The following STS variants were observed in gnomAD, a reference collection of about 807,000 sequenced individuals.
The protein encoded by STS is steryl-sulfatase.
A neutral mutation model predicts 26.8 loss-of-function variants in STS; 7 were observed. The observed-to-expected ratio is 0.26, with a 90% CI of 0.15 to 0.49. STS has a LOEUF of 0.49. Ranked by LOEUF, STS falls within the 20% of genes least tolerant of loss-of-function variation. STS has a pLI of 0.98. For missense variants in STS, 434 were observed against 465.6 expected, an observed-to-expected ratio of 0.93 and a Z score of 0.63; for synonymous variants, 199 against 189.4, an observed-to-expected ratio of 1.05 and a Z score of -0.42.
intron 2 of STS, among the ~76,000 whole-genome samples, chrX:7,252,642 CAT>C (rs754894571): frequency 5.4e-5 from 6 of 111,768 alleles, no homozygotes; most frequent in Non-Finnish European, 1.1e-4. Flanking sequence ...AGAAAGACAT[CAT>C]GTGTGTGTTC....
At chrX:7,152,141 A>G (rs1460956394) in intron 1 of STS, among the ~76,000 whole-genome samples, 3 of 108,287 alleles carry the variant, frequency 2.8e-5, no homozygotes, top group East Asian at 5.8e-4. Flanking sequence ...TTTAGTAGAG[A>G]CGGGGTTTCA....
intron 10 of STS, 86 bp downstream of exon 10, chrX:7,334,193 C>T (rs1014164110): frequency 1.7e-6 from 2 of 1,178,687 alleles, no homozygotes; most frequent in Non-Finnish European, 2.3e-6. Context: ...AAAAAGGTGG[C>T]TCTGCTCAAT....
At chrX:7,325,598 G>A (rs1444837662) in intron 9 of STS, 100 bp downstream of exon 9, 13 of 996,005 alleles carry the variant, frequency 1.3e-5, no homozygotes, top group Non-Finnish European at 8.5e-6. Flanking sequence ...AAGGCCTTTG[G>A]CCCCCTGGAG....
intron 7 of STS, among the ~76,000 whole-genome samples, chrX:7,278,721 C>G (rs1486042028): frequency 3.6e-5 from 4 of 111,268 alleles, no homozygotes; most frequent in African/African-American, 1.3e-4. Context: ...CCAGGAGATA[C>G]AATTCTGCTC....
In STS at chrX:7,305,086, T is replaced by G. The variant is rs1926148700; in HGVS notation, c.984T>G (p.Asn328Lys). ...TTCTGGATGAGCTGAGATTGGCTAA[T>G]GATACCCTCATCTACTTCACATCGG... The part of the protein sequence containing the change: ...LNLLDELRLA[N>K]DTLIYFTSDQ... The change falls in exon 8 of 11, where the codon AAT becomes AAG. Residue 328 changes from asparagine (N) to lysine (K), a missense_variant. By Grantham distance (94) the Asn-to-Lys change is moderately conservative. Transcript: ENST00000674429. The G allele has an allele frequency of 2.5e-6, 3 of 1,211,243 alleles. No individual in the cohort carries two copies. In the Admixed American group the frequency reaches 6.5e-5, roughly 26 times the overall value.
At chrX:7,260,041 A>G (rs1314642854) in intron 6 of STS, among the ~76,000 whole-genome samples, 1 of 111,214 alleles carries the variant, frequency 9.0e-6, no homozygotes, top group Non-Finnish European at 1.9e-5. Flanking sequence ...ACACCTGGCT[A>G]ATTTTTTGTA....
At chrX:7,331,126 C>T (rs539781248) in intron 9 of STS, among the ~76,000 whole-genome samples, 15 of 111,304 alleles carry the variant, frequency 1.3e-4, no homozygotes, top group Non-Finnish European at 2.8e-4. Context: ...GTGGGAAGGA[C>T]ATCCCACGTG....
At chrX:7,294,600 C>A (rs939086455) in intron 7 of STS, among the ~76,000 whole-genome samples, 4 of 111,796 alleles carry the variant, frequency 3.6e-5, no homozygotes, top group Non-Finnish European at 7.5e-5. Flanking sequence ...CTTAGTCATG[C>A]GTCTAAACAT....
At chrX:7,299,135 TATA>T (rs1201737150) in intron 7 of STS, among the ~76,000 whole-genome samples, 1 of 95,266 alleles carries the variant, frequency 1.0e-5, no homozygotes, top group Non-Finnish European at 2.0e-5. Flanking sequence ...TTTATATAAT[TATA>T]ATTTCTATAT....
intron 2 of STS, among the ~76,000 whole-genome samples, chrX:7,215,138 C>CACATAT (rs1356263612): frequency 1.7e-4 from 15 of 90,308 alleles, no homozygotes; most frequent in African/African-American, 6.4e-4. Flanking sequence ...CACACACACA[C>CACATAT]ATATATATAT....
chrX:7,284,588 G>T (rs1005211084), intron 7 of STS, among the ~76,000 whole-genome samples: 3 of 112,449 alleles, frequency 2.7e-5, no homozygotes, highest in Non-Finnish European at 5.6e-5. Flanking sequence ...GTTGGATGTG[G>T]TATGAATTCT....
In STS at chrX:7,353,507, T is replaced by C. The variant is rs1928886165; in HGVS notation, c.*3246T>C. 9.0e-6 allele frequency: 1 copy of C among 110,828 alleles called. No homozygotes were observed. The highest frequency in any genetic ancestry group is 1.9e-5 in the Non-Finnish European group (1 of 52,958). 9.1% of individuals were successfully genotyped at this position (110,828 alleles called of 1,213,427 possible). A position where few individuals can be genotyped will look rare whatever the true frequency, so the allele number is the denominator to read the frequency against. The stretch of plus-strand genomic sequence containing the variant: ...TTTGCCTTTGTGGCCCATGAAAGTC[T>C]TACTGGGCCCTGGGGAAGGTATCCT... On this transcript the variant is annotated 3_prime_UTR_variant, in exon 11 of 11. Transcript: ENST00000674429.
chrX:7,333,854 G>C, intron 9 of STS, 132 bp from the exon 10 acceptor site: 22 of 887,102 alleles, frequency 2.5e-5, no homozygotes, highest in Non-Finnish European at 3.1e-5. Context: ...GTGTTGCACA[G>C]GGCACCCAGG....
Position 7,354,352 on chromosome X carries a change from A to G in STS, c.*4091A>G, listed in dbSNP as rs1928922408. The stretch of plus-strand genomic sequence containing the variant: ...TCTCTCTCCCCTACTACAAGTCCCC[A>G]TTGCTGTGGTCCCCGTACCTGTCAT... On this transcript the variant is annotated 3_prime_UTR_variant, in exon 11 of 11. Coordinates refer to ENST00000674429, the MANE Select transcript of STS (RefSeq NM_001320752.2). 1.8e-5 allele frequency: 2 copies of G among 111,600 alleles called. No individual in the cohort carries two copies. The highest frequency in any genetic ancestry group is 3.8e-4 in the South Asian group (1 of 2,638). The allele number at this position is 111,600 out of a possible 1,213,427, so 9.2% of individuals were successfully genotyped here. A position where few individuals can be genotyped will look rare whatever the true frequency, so the allele number is the denominator to read the frequency against.
intron 6 of STS, among the ~76,000 whole-genome samples, chrX:7,270,531 G>T (rs1014876123): frequency 2.7e-5 from 3 of 111,694 alleles, no homozygotes; most frequent in African/African-American, 9.8e-5. Flanking sequence ...CAGTGTTTTT[G>T]CAAGCCAAGT....
intron 2 of STS, among the ~76,000 whole-genome samples, chrX:7,249,683 G>C (rs1161837698): frequency 9.0e-6 from 1 of 111,665 alleles, no homozygotes; most frequent in African/African-American, 3.3e-5. Context: ...AAGAGCCATA[G>C]GGAGTCCTGG....
chrX:7,181,513 G>T (rs1317612425), intron 1 of STS, among the ~76,000 whole-genome samples: 7 of 112,078 alleles, frequency 6.2e-5, no homozygotes, highest in Non-Finnish European at 1.1e-4. Flanking sequence ...CAGAGCATCG[G>T]AAGTGACTCT....
At chrX:7,227,207 T>G (rs1386944048) in intron 2 of STS, among the ~76,000 whole-genome samples, 3 of 111,994 alleles carry the variant, frequency 2.7e-5, no homozygotes, top group African/African-American at 9.7e-5. Context: ...AATAATTGTC[T>G]TACAAATAAG....
intron 8 of STS, among the ~76,000 whole-genome samples, chrX:7,323,633 C>T (rs911369938): frequency 9.0e-6 from 1 of 111,603 alleles, no homozygotes; most frequent in Non-Finnish European, 1.9e-5. Context: ...TCGATGGGCA[C>T]CTGGATTAAT....
Sources: allele counts gnomAD v4.1 joint callset (sites outside exome capture counted in the v4.1 genomes callset), GRCh38; gene constraint gnomAD v4.1.1; transcripts MANE v1.5; gene names NCBI Gene and HGNC (gene_info 2026-07-23, HGNC 2026-07-21).